Variants in ILDR2 observed in about 807,000 individuals in gnomAD.
ILDR2 encodes the protein immunoglobulin like domain containing receptor 2.
In ILDR2, 25 loss-of-function variants were observed where a neutral mutation model predicts 66.8. The ratio of observed to expected loss-of-function variants is 0.37; its 90% confidence interval spans 0.27 to 0.52. The LOEUF is 0.52. Among genes scored for constraint, ILDR2 ranks in the 20% least tolerant of loss-of-function variants. The pLI, the probability that ILDR2 is intolerant of heterozygous loss-of-function variation, is 0.88. For synonymous variants in ILDR2, 367 were observed against 357.2 expected (o/e 1.03, Z -0.31); for missense variants, 827 against 876.8 (o/e 0.94, Z 0.72).
intron 9 of ILDR2, among the ~76,000 whole-genome samples, chr1:166,919,964 T>G (rs566565352): frequency 6.6e-6 from 1 of 152,140 alleles, no homozygotes; most frequent in African/African-American, 2.4e-5. Flanking sequence ...AGGCCCTTGG[T>G]ACCCCACAGC....
downstream of ILDR2, among the ~76,000 whole-genome samples, chr1:166,903,391 C>T (rs1427858014): frequency 6.6e-6 from 1 of 152,170 alleles, no homozygotes; most frequent in African/African-American, 2.4e-5. Context: ...GTACATTGTC[C>T]TTATTTGCAT....
At chr1:166,919,557 G>A (rs1051353502) in intron 9 of ILDR2, among the ~76,000 whole-genome samples, 167 bp from the exon 10 acceptor site, 4 of 152,204 alleles carry the variant, frequency 2.6e-5, no homozygotes, top group African/African-American at 9.7e-5. Flanking sequence ...AGCCTCAGTA[G>A]AGGCTAAAGC....
rs72707828 is a variant in ILDR2 at position 166,937,346 on chromosome 1, C to T, written c.557-609G>A. Among the ~76,000 whole-genome samples, 1,234 of 152,314 alleles carry T rather than the reference C, an allele frequency of 8.1e-3. 8 individuals carry two copies. The highest frequency in any genetic ancestry group is 0.012 in the Admixed American group (190 of 15,304). On this transcript the variant is annotated intron_variant, in intron 4 of 9. Coordinates refer to ENST00000271417, the MANE Select transcript of ILDR2 (RefSeq NM_199351.3). ...CAGCACCAGTTCTGAGATCCAAACT[C>T]TTTGCTTATACCAGGACAACAATCC...
intron 9 of ILDR2, 96 bp from the exon 10 acceptor site, chr1:166,919,486 T>G: frequency 8.8e-7 from 1 of 1,134,302 alleles, no homozygotes; most frequent in East Asian, 2.5e-5. Context: ...CCACAACCCG[T>G]TCAGTGCCAG....
Position 166,936,812 on chromosome 1 carries a change from C to CCCCCTTTCA in ILDR2, c.557-76_557-75insTGAAAGGGG. On this transcript the variant is annotated intron_variant, in intron 4 of 9. Coordinates refer to ENST00000271417, the MANE Select transcript of ILDR2 (RefSeq NM_199351.3). The surrounding 1 kb of genome is among the most constrained non-coding windows in gnomAD (Gnocchi z 5.0). ...GCAGGGTGCACTTTGATTGGCATCT[C>CCCCCTTTCA]CCGGTGAAAGGGGGAGAGGAGGAGG... is the stretch of plus-strand genomic sequence containing the variant. 2 of 1,463,924 alleles carry CCCCCTTTCA rather than the reference C, an allele frequency of 1.4e-6. No homozygotes were observed. The highest frequency in any genetic ancestry group is 1.9e-6 in the Non-Finnish European group (2 of 1,055,526). The allele number at this position is 1,463,924 out of a possible 1,614,324, so 90.7% of individuals were successfully genotyped here. A position where few individuals can be genotyped will look rare whatever the true frequency, so the allele number is the denominator to read the frequency against.
At chr1:166,951,269 G>C (rs1377614959) in intron 3 of ILDR2, among the ~76,000 whole-genome samples, 1 of 152,178 alleles carries the variant, frequency 6.6e-6, no homozygotes, top group Non-Finnish European at 1.5e-5. Context: ...GGGTGGATCT[G>C]CTGGGGGCCA....
At chr1:166,924,827 A>C (rs1660178711) in intron 7 of ILDR2, among the ~76,000 whole-genome samples, 2 of 152,108 alleles carry the variant, frequency 1.3e-5, no homozygotes, top group African/African-American at 4.8e-5. Flanking sequence ...CCAGCCTGGG[A>C]AACATAGCAA....
intron 3 of ILDR2, among the ~76,000 whole-genome samples, chr1:166,946,063 C>CT (rs1344767852): frequency 1.3e-5 from 2 of 152,168 alleles, no homozygotes; most frequent in African/African-American, 2.4e-5. Context: ...ACTCCTATGT[C>CT]TTTGAGGAGA....
chr1:166,975,323 A>G lies in ILDR2; in HGVS notation c.-55T>C, dbSNP rs1663530587. 3 of 1,543,054 alleles carry G rather than the reference A, an allele frequency of 1.9e-6. No homozygotes were observed. The East Asian group carries it at 7.0e-5, about 36-fold the overall frequency. ...GTGAGGAAAGTGGGAAATGGCTGGA[A>G]CAGAAGGATCGCTGTCACCCCGCGG... On this transcript the variant is annotated 5_prime_UTR_variant, in exon 1 of 10. Coordinates refer to ENST00000271417, the MANE Select transcript of ILDR2 (RefSeq NM_199351.3).
intron 1 of ILDR2, among the ~76,000 whole-genome samples, chr1:166,968,256 T>C (rs1227371246): frequency 1.3e-5 from 2 of 152,178 alleles, no homozygotes; most frequent in Admixed American, 6.5e-5. Context: ...CCCCTGATTC[T>C]TGGCCTTTGC....
At chr1:166,945,223 C>T (rs557004085) in intron 3 of ILDR2, among the ~76,000 whole-genome samples, 1 of 152,244 alleles carries the variant, frequency 6.6e-6, no homozygotes, top group Admixed American at 6.5e-5. Context: ...TGGAATATCC[C>T]CAAATGCCAT....
At chr1:166,975,076 T>A in intron 1 of ILDR2, 147 bp downstream of exon 1, 1 of 622,942 alleles carries the variant, frequency 1.6e-6, no homozygotes, top group South Asian at 1.9e-5. Context: ...ACACACACGT[T>A]GCCCCCTCCC....
chr1:166,926,989 G>A, intron 7 of ILDR2, 78 bp downstream of exon 7: 1 of 1,001,080 alleles, frequency 1.0e-6, no homozygotes, highest in South Asian at 1.7e-5. Flanking sequence ...GGCTGCCCAA[G>A]TTTGGTGACC....
chr1:166,927,187 A>G lies in ILDR2; in HGVS notation c.881-7T>C, dbSNP rs756031377. ...ATCCGGTAACCTTTGCGAACTGTTG[A>G]GAAAAGCACAAGAAGGTGAGCTGAA... On this transcript the variant is annotated splice_region_variant and splice_polypyrimidine_tract_variant and intron_variant, in intron 6 of 9. Coordinates refer to ENST00000271417, the MANE Select transcript of ILDR2 (RefSeq NM_199351.3). The G allele has an allele frequency of 6.3e-7, 1 of 1,592,956 alleles. No individual in the cohort carries two copies. The highest frequency in any genetic ancestry group is 8.6e-7 in the Non-Finnish European group (1 of 1,163,812).
At chr1:166,963,125 G>A (rs1353006845) in intron 1 of ILDR2, among the ~76,000 whole-genome samples, 2 of 152,042 alleles carry the variant, frequency 1.3e-5, no homozygotes, top group African/African-American at 2.4e-5. Flanking sequence ...TCTTAGTTTT[G>A]ATAATTTCCT....
chr1:166,958,065 T>C lies in ILDR2; in HGVS notation c.83A>G (p.Lys28Arg). ...CTGGAAGAGCATGGCCACCTTCTTC[T>C]TGTCGGGCACTGTGACCTGAAGGCC... ...VEGLQVTVPDKKKVAMLFQPT... is the reference protein window; with the variant it reads ...VEGLQVTVPDRKKVAMLFQPT... The change falls in exon 2 of 10, where the codon AAG (lysine) becomes AGG (arginine). Residue 28 changes from lysine (K) to arginine (R), a missense_variant. This residue lies in a region of ILDR2 where 437 missense variants were observed against 523.2 expected (regional missense o/e 0.84). Transcript: ENST00000271417. 6.2e-7 allele frequency: 1 copy of C among 1,612,740 alleles called. No individual in the cohort carries two copies.
chr1:166,897,803 G>A (rs1571253774), intron 2 of ILDR2, among the ~76,000 whole-genome samples: 1 of 152,310 alleles, frequency 6.6e-6, no homozygotes, highest in Non-Finnish European at 1.5e-5. Context: ...GGCTAGCCCT[G>A]ATTTGTACCT....
chr1:166,972,191 G>T (rs1332632948), intron 1 of ILDR2, among the ~76,000 whole-genome samples: 2 of 151,458 alleles, frequency 1.3e-5, no homozygotes, highest in East Asian at 3.9e-4. Flanking sequence ...TGGCCTGGGT[G>T]ACAGAGTGAG....
chr1:166,897,344 G>A (rs950010512), intron 2 of ILDR2, among the ~76,000 whole-genome samples: 12 of 152,062 alleles, frequency 7.9e-5, no homozygotes, highest in Admixed American at 3.9e-4. Flanking sequence ...CTCTGGTTCC[G>A]GGGAGGTAAA....
Sources: gnomAD v4.1 joint callset for allele counts (sites outside exome capture counted in the v4.1 genomes callset) on GRCh38, gnomAD v4.1.1 for gene constraint, gnomAD v4.1.1 regional missense constraint, Gnocchi (gnomAD v3.1) non-coding constraint, MANE v1.5 for transcripts, NCBI Gene and HGNC (gene_info 2026-07-23, HGNC 2026-07-21) for gene names.